ALDH1L2: variants seen among roughly 807,000 people sequenced by gnomAD.
ALDH1L2 encodes the protein mitochondrial 10-formyltetrahydrofolate dehydrogenase.
In ALDH1L2, 91 loss-of-function variants were observed where a neutral mutation model predicts 111.0. The ratio of observed to expected loss-of-function variants is 0.82; its 90% CI spans 0.69 to 0.98. The LOEUF is 0.98. ALDH1L2 is among the 50% of genes least tolerant of loss of function. The pLI, the probability that ALDH1L2 is intolerant of heterozygous loss-of-function variation, is 0.00. For missense variants in ALDH1L2, 995 were observed against 1,126.8 expected, an observed-to-expected ratio of 0.88 and a Z score of 1.67; for synonymous variants, 374 against 392.6, an observed-to-expected ratio of 0.95 and a Z score of 0.56.
intron 22 of ALDH1L2, among the ~76,000 whole-genome samples, chr12:105,024,944 T>G (rs541636864): frequency 2.0e-5 from 3 of 152,346 alleles, no homozygotes; most frequent in African/African-American, 7.2e-5. Context: ...AAAGCAGAAC[T>G]GAGCACAGGA....
intron 18 of ALDH1L2, among the ~76,000 whole-genome samples, chr12:105,036,614 T>G (rs1875169062): frequency 7.5e-6 from 1 of 132,462 alleles, no homozygotes; most frequent in Admixed American, 8.3e-5. Flanking sequence ...ATTCCACCCA[T>G]TTAGGAGGCC....
At chr12:105,077,770 C>T (rs1033861933) in intron 1 of ALDH1L2, among the ~76,000 whole-genome samples, 2 of 149,688 alleles carry the variant, frequency 1.3e-5, no homozygotes, top group African/African-American at 4.9e-5. Context: ...GTACACATAG[C>T]TTTCCAAAGA....
chr12:105,027,882 G>A (rs4964119), intron 21 of ALDH1L2, among the ~76,000 whole-genome samples: 82,477 of 151,940 alleles, frequency 0.54, 22,836 homozygotes, highest in East Asian at 0.76. Flanking sequence ...ATGCGAGTGA[G>A]TGGGATTACA....
In ALDH1L2 at chr12:105,052,930, A is replaced by G. The variant is rs1876387068; in HGVS notation, c.1289T>C (p.Ile430Thr). The change falls in exon 11 of 23, where the codon ATT becomes ACT. Residue 430 changes from isoleucine to threonine, a missense_variant and splice_region_variant. By Grantham distance (89) the Ile-to-Thr change is moderately conservative. Coordinates refer to ENST00000258494, the MANE Select transcript of ALDH1L2 (RefSeq NM_001034173.4). ...DQEVELVVDYISKEVNEIMVK... is the reference protein window; with the variant it reads ...DQEVELVVDYTSKEVNEIMVK... The stretch of plus-strand genomic sequence containing the variant: ...CATGATTTCATTGACCTCCTTTGAA[A>G]TCTGAGAGAAGTATATTAATAGATT... 1 of 1,613,434 alleles carries G rather than the reference A, an allele frequency of 6.2e-7. No homozygotes were observed. The highest frequency in any genetic ancestry group is 8.5e-7 in the Non-Finnish European group (1 of 1,179,454).
chr12:105,042,001 A>G (rs542824443), intron 15 of ALDH1L2, among the ~76,000 whole-genome samples: 1 of 152,296 alleles, frequency 6.6e-6, no homozygotes, highest in East Asian at 1.9e-4. Context: ...AGAAACCAAG[A>G]TATCTGGACA....
chr12:105,073,451 A>G (rs906829222), intron 2 of ALDH1L2, among the ~76,000 whole-genome samples: 3 of 152,196 alleles, frequency 2.0e-5, no homozygotes, highest in Non-Finnish European at 2.9e-5. Flanking sequence ...GGAAGAGTTC[A>G]TTTCCCAGGA....
At chr12:105,031,466 C>T (rs568053453) in intron 20 of ALDH1L2, among the ~76,000 whole-genome samples, 5 of 150,802 alleles carry the variant, frequency 3.3e-5, no homozygotes, top group African/African-American at 7.3e-5. Context: ...CAGTTGTCTC[C>T]CCTTCTTTGT....
intron 19 of ALDH1L2, 148 bp downstream of exon 19, chr12:105,034,152 T>C: frequency 2.9e-6 from 2 of 684,214 alleles, no homozygotes; most frequent in Non-Finnish European, 4.8e-6. Context: ...AGTATGTAGC[T>C]ATAAAAAAAC....
Position 105,030,395 on chromosome 12 carries a change from C to T in ALDH1L2, c.2445G>A (p.Val815=), listed in dbSNP as rs777621037. Residue 815 remains valine (V), a synonymous_variant, in exon 21 of 23, where the codon GTG becomes GTA. Transcript: ENST00000258494. ...CTTTGGCGAGGTACATGTAGTCTTC[C>T]ACATCTGTGAACACGGTCGGCTCCA... ...FFMEPTVFTD[V]EDYMYLAKEE... is the part of the protein sequence containing the mutation. 6.2e-7 allele frequency: 1 copy of T among 1,611,508 alleles called. No individual in the cohort carries two copies. Among genetic ancestry groups the T allele is most frequent in the East Asian group, 2.2e-5 (1 of 44,786 alleles).
At chr12:105,068,005 C>G (rs1322554805) in intron 4 of ALDH1L2, among the ~76,000 whole-genome samples, 1 of 152,168 alleles carries the variant, frequency 6.6e-6, no homozygotes, top group Non-Finnish European at 1.5e-5. Context: ...TGCCTGTGGT[C>G]ATGCAACAAA....
chr12:105,027,984 C>G (rs555691928), intron 21 of ALDH1L2, among the ~76,000 whole-genome samples: 20 of 152,322 alleles, frequency 1.3e-4, no homozygotes, highest in South Asian at 4.2e-4. Context: ...TGAACCTACT[C>G]TTTTCTCAGT....
intron 4 of ALDH1L2, 84 bp downstream of exon 4, chr12:105,068,635 C>A: frequency 1.6e-6 from 2 of 1,238,304 alleles, no homozygotes; most frequent in South Asian, 6.3e-5. Context: ...GGTGAAAATT[C>A]ATATGGATAA....
At chr12:105,062,706 A>G (rs987775763) in intron 7 of ALDH1L2, among the ~76,000 whole-genome samples, 182 bp downstream of exon 7, 1 of 152,156 alleles carries the variant, frequency 6.6e-6, no homozygotes, top group Non-Finnish European at 1.5e-5. Flanking sequence ...GCCTCTTTCC[A>G]CTTTACACAA....
At chr12:105,050,828 A>G (rs1876212480) in intron 12 of ALDH1L2, 5 of 303,928 alleles carry the variant, frequency 1.6e-5, no homozygotes, top group Non-Finnish European at 3.3e-5. Flanking sequence ...CTTTCATGAG[A>G]ACAGCACAGG....
At chr12:105,051,638 C>G (rs1876270155) in intron 12 of ALDH1L2, among the ~76,000 whole-genome samples, 1 of 152,122 alleles carries the variant, frequency 6.6e-6, no homozygotes. Flanking sequence ...CTAACATAAT[C>G]AACATATATA....
At chr12:105,049,781 G>T in intron 13 of ALDH1L2, 127 bp downstream of exon 13, 2 of 1,085,690 alleles carry the variant, frequency 1.8e-6, no homozygotes, top group East Asian at 2.7e-5. Context: ...GCATAAAATG[G>T]ATTGAGACAA....
chr12:105,072,711 T>C (rs934131210), intron 2 of ALDH1L2, among the ~76,000 whole-genome samples: 9 of 152,210 alleles, frequency 5.9e-5, no homozygotes, highest in Non-Finnish European at 5.9e-5. Context: ...TGGTGGCTCA[T>C]GCCTGTAATC....
rs1282137598 is a variant in ALDH1L2 at position 105,021,119 on chromosome 12, G to C, written c.*3305C>G. Reference sequence around the variant, plus strand: ...GGGAAATTGACAGGAGATGAGGTCAGAGGTAGCTAGGAGCAAGATCAGTAG... The same window carrying C: ...GGGAAATTGACAGGAGATGAGGTCACAGGTAGCTAGGAGCAAGATCAGTAG... On this transcript the variant is annotated 3_prime_UTR_variant, in exon 23 of 23. Transcript: ENST00000258494. 6.6e-6 allele frequency: 1 copy of C among 152,450 alleles called. No individual in the cohort carries two copies. The highest frequency in any genetic ancestry group is 2.4e-5 in the African/African-American group (1 of 41,452). The allele number at this position is 152,450 out of a possible 1,614,324, so 9.4% of individuals were successfully genotyped here.
intron 13 of ALDH1L2, chr12:105,047,721 C>T (rs1379698788): frequency 6.6e-6 from 1 of 152,174 alleles, no homozygotes; most frequent in Non-Finnish European, 1.5e-5. Flanking sequence ...TGCTTTGCCA[C>T]ATAAAATATT....
Sources: allele counts gnomAD v4.1 joint callset (sites outside exome capture counted in the v4.1 genomes callset), GRCh38; gene constraint gnomAD v4.1.1; transcripts MANE v1.5; gene names NCBI Gene and HGNC (gene_info 2026-07-23, HGNC 2026-07-21).